The following DDX59 variants were observed in gnomAD, a reference collection of about 807,000 sequenced individuals.
DDX59 encodes probable ATP-dependent RNA helicase DDX59.
DDX59 carries 30 observed loss-of-function variants against 51.9 expected under a neutral mutation model. The observed-to-expected ratio is 0.58, with a 90% CI of 0.43 to 0.78. The LOEUF (loss-of-function observed/expected upper bound fraction) is 0.78. Among genes scored for constraint, DDX59 ranks in the 30% least tolerant of loss-of-function variants. The pLI is 0.00. For synonymous variants in DDX59, 255 were observed against 253.3 expected, an observed-to-expected ratio of 1.01 and a Z score of -0.06; for missense variants, 672 against 730.8, an observed-to-expected ratio of 0.92 and a Z score of 0.93.
chr1:200,663,767 TAAAAA>T, intron 3 of DDX59, 147 bp downstream of exon 3: 3 of 586,526 alleles, frequency 5.1e-6, no homozygotes, highest in Non-Finnish European at 7.2e-6. Context: ...TAAAACAAAC[TAAAAA>T]AAAAAAAAAA....
In DDX59 at chr1:200,650,602, C is replaced by T; in HGVS notation, c.1137G>A (p.Gln379=). 2 of 1,613,986 alleles carry T rather than the reference C, an allele frequency of 1.2e-6. No individual in the cohort carries two copies. Among genetic ancestry groups the T allele is most frequent in the Non-Finnish European group, 1.7e-6 (2 of 1,179,942 alleles). The change falls in exon 5 of 8, where the codon CAG becomes CAA. Residue 379 remains glutamine, a synonymous_variant. Coordinates refer to ENST00000331314, the MANE Select transcript of DDX59 (RefSeq NM_001031725.6). ...DILENIPNDC[Q]TILVSATIPT... ...GAATTGTGGCTGAAACCAAAATGGT[C>T]TGACAATCATTAGGAATGTTTTCCA...
chr1:200,651,658 A>G (rs1407532506), intron 4 of DDX59, among the ~76,000 whole-genome samples: 1 of 152,194 alleles, frequency 6.6e-6, no homozygotes, highest in Non-Finnish European at 1.5e-5. Flanking sequence ...ATATTTTTCT[A>G]TACTGTTGGT....
At chr1:200,662,021 G>A (rs1240474908) in intron 3 of DDX59, among the ~76,000 whole-genome samples, 1 of 152,078 alleles carries the variant, frequency 6.6e-6, no homozygotes, top group East Asian at 1.9e-4. Flanking sequence ...CTCTGGCCAC[G>A]TGAAGCTCCT....
intron 1 of DDX59, among the ~76,000 whole-genome samples, chr1:200,667,146 T>C (rs1207280495): frequency 6.6e-6 from 1 of 151,824 alleles, no homozygotes; most frequent in African/African-American, 2.4e-5. Flanking sequence ...GGCTCACACC[T>C]GTAATCCCAG....
chr1:200,641,093 T>C, downstream of DDX59: 1 of 1,093,806 alleles, frequency 9.1e-7, no homozygotes, highest in Non-Finnish European at 1.3e-6. Context: ...AGTTTACTGG[T>C]GGCTGCCAGG....
chr1:200,641,062 G>T (rs1410292251), downstream of DDX59: 1 of 743,662 alleles, frequency 1.3e-6, no homozygotes, highest in Admixed American at 2.6e-5. Flanking sequence ...GGCAACAAAA[G>T]AGTCCTATCT....
intron 4 of DDX59, among the ~76,000 whole-genome samples, chr1:200,653,179 T>C (rs1021782793): frequency 1.3e-5 from 2 of 152,128 alleles, no homozygotes; most frequent in Non-Finnish European, 2.9e-5. Context: ...ACTCTCAAAA[T>C]CATATCTCAG....
At chr1:200,658,292 T>C (rs914496939) in intron 4 of DDX59, among the ~76,000 whole-genome samples, 1 of 152,310 alleles carries the variant, frequency 6.6e-6, no homozygotes, top group Non-Finnish European at 1.5e-5. Flanking sequence ...AACAACACTT[T>C]TACTTCATCT....
At chr1:200,666,836 G>A (rs577520884) in intron 1 of DDX59, 85 bp from the exon 2 acceptor site, 298 of 1,381,414 alleles carry the variant, frequency 2.2e-4, no homozygotes, top group African/African-American at 6.5e-4. Context: ...GACAAGGTGC[G>A]GTGGCTCACC....
chr1:200,666,245 A>G lies in DDX59; in HGVS notation c.496T>C (p.Tyr166His), dbSNP rs1317190757. 6.2e-7 allele frequency: 1 copy of G among 1,614,228 alleles called. No individual in the cohort carries two copies. Residue 166 changes from tyrosine to histidine, a missense_variant, in exon 2 of 8, where the codon TAT (tyrosine) becomes CAT (histidine). Coordinates refer to ENST00000331314, the MANE Select transcript of DDX59 (RefSeq NM_001031725.6). ...ATAAAGGGGTGCTCTTTGTAGACAT[A>G]GGAAGCATTCAGTGGAGACTCTGGC... ...SEPESPLNAS[Y>H]VYKEHPFILN... is the part of the protein sequence containing the mutation.
chr1:200,658,504 G>T (rs3924121), intron 4 of DDX59, among the ~76,000 whole-genome samples: 16,745 of 152,124 alleles, frequency 0.11, 1,378 homozygotes, highest in East Asian at 0.42. Flanking sequence ...AGACTAATCA[G>T]CCTGGGCAAT....
rs999191688 is a variant in DDX59 at position 200,659,020 on chromosome 1, T to C, written c.1062+7A>G. Reference sequence around the variant, plus strand: ...CATGTAACTGTTTTTTAAATACCACTACTTACTTCATCTACTACCACAATC... The same window carrying C: ...CATGTAACTGTTTTTTAAATACCACCACTTACTTCATCTACTACCACAATC... On this transcript the variant is annotated splice_region_variant and intron_variant, in intron 4 of 7. Coordinates refer to ENST00000331314, the MANE Select transcript of DDX59 (RefSeq NM_001031725.6). The C allele has an allele frequency of 2.0e-5, 32 of 1,601,340 alleles. No individual in the cohort carries two copies. Among genetic ancestry groups the C allele is most frequent in the Non-Finnish European group, 2.5e-5 (29 of 1,171,674 alleles).
chr1:200,642,728 A>G (rs1274267444), downstream of DDX59, among the ~76,000 whole-genome samples: 1 of 152,184 alleles, frequency 6.6e-6, no homozygotes, highest in South Asian at 2.1e-4. Context: ...CTTCTCCCCT[A>G]TTGGGTATTT....
rs1487448566 is a variant in DDX59 at position 200,644,193 on chromosome 1, C to T, written c.*61G>A. 8.7e-6 allele frequency: 11 copies of T among 1,262,124 alleles called. No individual in the cohort carries two copies. The highest frequency in any genetic ancestry group is 8.2e-6 in the Non-Finnish European group (8 of 981,138). The allele number at this position is 1,262,124 out of a possible 1,614,324, so 78.2% of individuals were successfully genotyped here. On this transcript the variant is annotated 3_prime_UTR_variant, in exon 8 of 8. Coordinates refer to ENST00000331314, the MANE Select transcript of DDX59 (RefSeq NM_001031725.6). The stretch of plus-strand genomic sequence containing the variant: ...AAATTCATGTACATTTCCATTTATG[C>T]AAACCATAATTTTTTGCTGACTATA...
At chr1:200,664,652 C>T (rs1662597923) in intron 2 of DDX59, among the ~76,000 whole-genome samples, 2 of 151,010 alleles carry the variant, frequency 1.3e-5, no homozygotes, top group African/African-American at 4.9e-5. Flanking sequence ...CCAATTTTTT[C>T]TCCTTTATCT....
At chr1:200,660,348 G>A (rs1242090615) in intron 3 of DDX59, among the ~76,000 whole-genome samples, 1 of 152,142 alleles carries the variant, frequency 6.6e-6, no homozygotes, top group Middle Eastern at 3.2e-3. Flanking sequence ...TTGCTGAACA[G>A]AGGTTTTGGT....
At chr1:200,650,035 G>A (rs1158187739) in intron 5 of DDX59, among the ~76,000 whole-genome samples, 10 of 151,774 alleles carry the variant, frequency 6.6e-5, no homozygotes, top group South Asian at 2.1e-4. Context: ...TAGTAGAGAC[G>A]GGGTTTCACC....
At chr1:200,655,680 C>T (rs186205869) in intron 4 of DDX59, among the ~76,000 whole-genome samples, 35 of 152,270 alleles carry the variant, frequency 2.3e-4, no homozygotes, top group African/African-American at 8.4e-4. Flanking sequence ...ACTGATACAT[C>T]CTCTAGTTTT....
intron 4 of DDX59, among the ~76,000 whole-genome samples, chr1:200,653,683 C>G (rs1661815066): frequency 6.6e-6 from 1 of 152,196 alleles, no homozygotes; most frequent in Non-Finnish European, 1.5e-5. Flanking sequence ...CATCTCCAAG[C>G]ACTCTCCCCT....
Sources: gnomAD v4.1 joint callset for allele counts (sites outside exome capture counted in the v4.1 genomes callset) on GRCh38, gnomAD v4.1.1 for gene constraint, MANE v1.5 for transcripts, NCBI Gene and HGNC (gene_info 2026-07-23, HGNC 2026-07-21) for gene names.